The following ZNF385D variants were observed in gnomAD, a reference collection of about 807,000 sequenced individuals.
The protein encoded by ZNF385D is zinc finger protein 659.
A neutral mutation model predicts 35.8 loss-of-function variants in ZNF385D; 15 were observed. That is an observed-to-expected ratio of 0.42 (90% CI 0.28 to 0.64). The LOEUF is 0.64. Ranked by LOEUF, ZNF385D falls within the 30% of genes least tolerant of loss-of-function variation. ZNF385D has a pLI of 0.23. For missense variants in ZNF385D, 474 were observed against 494.6 expected (o/e 0.96, Z 0.39); for synonymous variants, 212 against 186.8 (o/e 1.13, Z -1.10).
At chr3:21,928,967 A>G (rs893822263) in intron 3 of ZNF385D, among the ~76,000 whole-genome samples, 2 of 152,138 alleles carry the variant, frequency 1.3e-5, no homozygotes. Flanking sequence ...ACATTTAACA[A>G]CTCATTTTAA....
rs565195664 is a variant in ZNF385D, at chr3:21,616,409, G to A, written c.165+48477C>T. On this transcript the variant is annotated intron_variant, in intron 2 of 7. Coordinates refer to ENST00000281523, the MANE Select transcript of ZNF385D (RefSeq NM_024697.3). ...CTAAATTAGTTGTTTCTCCACTGATGCTAAAGATACCCTTCAGTACCTTCC... is the reference window on the plus strand; with the variant it reads ...CTAAATTAGTTGTTTCTCCACTGATACTAAAGATACCCTTCAGTACCTTCC... 4.6e-5 allele frequency among the ~76,000 whole-genome samples: 7 copies of A among 152,282 alleles called. No homozygotes were observed. In the South Asian group the frequency reaches 1.2e-3, roughly 27 times the overall value.
At chr3:21,812,840 G>C (rs1300467481) in intron 3 of ZNF385D, among the ~76,000 whole-genome samples, 1 of 152,204 alleles carries the variant, frequency 6.6e-6, no homozygotes, top group Non-Finnish European at 1.5e-5. Flanking sequence ...GCTTTGAAGA[G>C]AGTAGTAGTT....
intron 3 of ZNF385D, among the ~76,000 whole-genome samples, chr3:21,999,685 C>G (rs1034256600): frequency 6.6e-6 from 1 of 151,344 alleles, no homozygotes; most frequent in South Asian, 2.1e-4. Flanking sequence ...TTATAGCAGT[C>G]CAACAGATAG....
intron 3 of ZNF385D, among the ~76,000 whole-genome samples, chr3:22,138,353 T>C (rs1285881747): frequency 2.0e-5 from 3 of 152,136 alleles, no homozygotes; most frequent in East Asian, 3.9e-4. Flanking sequence ...GAACCCGCAT[T>C]GCCAAGTGAG....
Position 22,019,034 on chromosome 3 carries a change from C to CTTTTTTTTTTTTTT in ZNF385D, c.325+149769_325+149782dup, listed in dbSNP as rs11380195. Among the ~76,000 whole-genome samples, 23 of 64,466 alleles carry CTTTTTTTTTTTTTT rather than the reference C, an allele frequency of 3.6e-4. 3 individuals are homozygous for CTTTTTTTTTTTTTT. The highest frequency in any genetic ancestry group is 2.1e-3 in the South Asian group (3 of 1,454). The allele number at this position is 64,466 out of a possible 152,430, so 42.3% of individuals were successfully genotyped here. On this transcript the variant is annotated intron_variant, in intron 3 of 5. Coordinates refer to the ZNF385D transcript ENST00000494108. ...CAGTTTCATGGATAGAGTTATTTAC[C>CTTTTTTTTTTTTTT]TTTTTTTTTTTTTTTTTTTTTTTTT... is the stretch of plus-strand genomic sequence containing the variant.
intron 3 of ZNF385D, among the ~76,000 whole-genome samples, chr3:22,068,202 T>C (rs1238443623): frequency 6.6e-6 from 1 of 152,210 alleles, no homozygotes; most frequent in Non-Finnish European, 1.5e-5. Context: ...ATTGTTCTCT[T>C]AGATGCTCTT....
At chr3:22,368,555 G>C (rs1487895520) in intron 2 of ZNF385D, among the ~76,000 whole-genome samples, 4 of 152,156 alleles carry the variant, frequency 2.6e-5, no homozygotes, top group Non-Finnish European at 5.9e-5. Context: ...CAGTTCTGGA[G>C]GCTGTGAAGA....
chr3:21,853,949 C>A (rs115032645), intron 3 of ZNF385D, among the ~76,000 whole-genome samples: 1 of 151,538 alleles, frequency 6.6e-6, no homozygotes, highest in East Asian at 1.9e-4. Flanking sequence ...GGACTATTGA[C>A]GGAAAAGGAA....
chr3:21,802,865 G>A (rs1373248510), intron 3 of ZNF385D, among the ~76,000 whole-genome samples: 1 of 152,184 alleles, frequency 6.6e-6, no homozygotes, highest in African/African-American at 2.4e-5. Context: ...CTAAACAGAT[G>A]TAAGTGCTCA....
intron 3 of ZNF385D, among the ~76,000 whole-genome samples, chr3:21,894,851 C>T (rs1266050892): frequency 2.0e-5 from 3 of 151,992 alleles, no homozygotes; most frequent in Non-Finnish European, 4.4e-5. Flanking sequence ...TGACACAATG[C>T]CAGACACCAT....
At chr3:22,064,139 G>C (rs909537420) in intron 3 of ZNF385D, among the ~76,000 whole-genome samples, 9 of 152,198 alleles carry the variant, frequency 5.9e-5, no homozygotes, top group Non-Finnish European at 1.2e-4. Flanking sequence ...ATCAAGAGAA[G>C]TGGAATTGTT....
intron 2 of ZNF385D, among the ~76,000 whole-genome samples, chr3:22,232,157 G>A (rs1360599144): frequency 3.3e-5 from 5 of 151,972 alleles, no homozygotes; most frequent in African/African-American, 9.7e-5. Flanking sequence ...TCACTTTCTT[G>A]CGCTCATATT....
At chr3:21,552,131 G>A (rs1478740221) in intron 3 of ZNF385D, among the ~76,000 whole-genome samples, 6 of 152,108 alleles carry the variant, frequency 3.9e-5, no homozygotes, top group Admixed American at 3.9e-4. Flanking sequence ...GTTTAAAAAT[G>A]GAAACAGAAA....
intron 4 of ZNF385D, among the ~76,000 whole-genome samples, chr3:21,483,990 A>G (rs1704839081): frequency 6.6e-6 from 1 of 152,172 alleles, no homozygotes; most frequent in South Asian, 2.1e-4. Context: ...AAAAAGAGAA[A>G]CTGGCATCGT....
intron 4 of ZNF385D, among the ~76,000 whole-genome samples, chr3:21,485,150 C>CTAAG (rs1403319855): frequency 6.6e-6 from 1 of 152,092 alleles, no homozygotes; most frequent in East Asian, 1.9e-4. Flanking sequence ...TTTCCATGTC[C>CTAAG]TAAGTTTAAA....
intron 3 of ZNF385D, among the ~76,000 whole-genome samples, chr3:21,815,394 G>A (rs2073101293): frequency 6.6e-6 from 1 of 152,124 alleles, no homozygotes; most frequent in Admixed American, 6.6e-5. Flanking sequence ...ATGAATCAAG[G>A]AGCTGTTTTT....
At chr3:22,009,545 C>G (rs1010641535) in intron 3 of ZNF385D, among the ~76,000 whole-genome samples, 2 of 151,078 alleles carry the variant, frequency 1.3e-5, no homozygotes, top group Admixed American at 1.3e-4. Flanking sequence ...ATGGCACGAA[C>G]CCAGGAGGCA....
intron 3 of ZNF385D, among the ~76,000 whole-genome samples, chr3:22,061,567 GT>G (rs1699688182): frequency 6.6e-6 from 1 of 151,978 alleles, no homozygotes; most frequent in African/African-American, 2.4e-5. Context: ...AATTCCTATG[GT>G]CTCCAAGACT....
intron 3 of ZNF385D, among the ~76,000 whole-genome samples, chr3:21,778,917 A>G (rs1033749941): frequency 6.6e-6 from 1 of 151,968 alleles, no homozygotes. Context: ...AGGTCCTATT[A>G]ATATCCCTGC....
Sources: gnomAD v4.1 joint callset for allele counts (sites outside exome capture counted in the v4.1 genomes callset) on GRCh38, gnomAD v4.1.1 for gene constraint, MANE v1.5 for transcripts, NCBI Gene and HGNC (gene_info 2026-07-23, HGNC 2026-07-21) for gene names.